The following RAB28 variants were observed in gnomAD, a reference collection of about 807,000 sequenced individuals.
The protein encoded by RAB28 is RAB28, member RAS oncogene family.
A neutral mutation model predicts 31.7 loss-of-function variants in RAB28; 24 were observed. The ratio of observed to expected loss-of-function variants is 0.76; its 90% CI spans 0.55 to 1.06. The LOEUF is 1.06. RAB28 is among the 50% of genes least tolerant of loss of function. The pLI is 0.00. For synonymous variants in RAB28, 100 were observed against 90.4 expected (o/e 1.11, Z -0.60); for missense variants, 254 against 258.5 (o/e 0.98, Z 0.12).
At chr4:13,425,684 G>A (rs1713440398) in intron 4 of RAB28, among the ~76,000 whole-genome samples, 1 of 152,110 alleles carries the variant, frequency 6.6e-6, no homozygotes, top group African/African-American at 2.4e-5. Context: ...TTAACCTCTG[G>A]CAAAGTTCTT....
intron 4 of RAB28, among the ~76,000 whole-genome samples, chr4:13,454,417 G>C (rs1488532290): frequency 6.6e-6 from 1 of 151,996 alleles, no homozygotes; most frequent in Non-Finnish European, 1.5e-5. Flanking sequence ...TGTTTGATGT[G>C]TCCGTATGTT....
chr4:13,409,932 G>C (rs1014168470), intron 4 of RAB28, among the ~76,000 whole-genome samples: 1 of 152,078 alleles, frequency 6.6e-6, no homozygotes, highest in African/African-American at 2.4e-5. Context: ...GGTGGGGCCT[G>C]GTAGGAGGTG....
chr4:13,371,795 C>T, intron 6 of RAB28: 1 of 1,546,902 alleles, frequency 6.5e-7, no homozygotes, highest in South Asian at 1.2e-5. Context: ...AAATACCAAC[C>T]TTTATTTTTA....
At chr4:13,413,327 A>G (rs867178373) in intron 4 of RAB28, among the ~76,000 whole-genome samples, 1 of 152,252 alleles carries the variant, frequency 6.6e-6, no homozygotes, top group Non-Finnish European at 1.5e-5. Flanking sequence ...TTGAAATTCA[A>G]TACTGAAAAA....
intron 4 of RAB28, among the ~76,000 whole-genome samples, chr4:13,459,427 A>T (rs1411317357): frequency 6.6e-6 from 1 of 152,206 alleles, no homozygotes; most frequent in Non-Finnish European, 1.5e-5. Context: ...ACGTTCACAC[A>T]ATGAAACTGC....
chr4:13,435,241 T>TA lies in RAB28; in HGVS notation c.391+25457dup, dbSNP rs529104449. 3.9e-3 allele frequency among the ~76,000 whole-genome samples: 598 copies of TA among 151,698 alleles called. 4 individuals carry two copies. The highest frequency in any genetic ancestry group is 0.014 in the African/African-American group (572 of 41,406). ...TACAGCAAAAGTAGTGCAAAGAGTATAGCTATGGTACTAAATGCCTACATC... is the reference window on the plus strand; with the variant it reads ...TACAGCAAAAGTAGTGCAAAGAGTATAAGCTATGGTACTAAATGCCTACATC... On this transcript the variant is annotated intron_variant, in intron 4 of 6. Transcript: ENST00000330852.
At chr4:13,371,508 A>G (rs575127056) in intron 6 of RAB28, 1 of 985,286 alleles carries the variant, frequency 1.0e-6, no homozygotes, top group South Asian at 4.7e-5. Context: ...AGTACTGACT[A>G]ATGTAAATGA....
intron 4 of RAB28, among the ~76,000 whole-genome samples, chr4:13,437,409 T>G (rs1207372063): frequency 6.6e-6 from 1 of 151,962 alleles, no homozygotes; most frequent in Non-Finnish European, 1.5e-5. Flanking sequence ...AAATAAACTA[T>G]CTACAGAGTA....
At chr4:13,408,653 C>CA (rs1003020966) in intron 4 of RAB28, among the ~76,000 whole-genome samples, 3 of 150,620 alleles carry the variant, frequency 2.0e-5, no homozygotes, top group Admixed American at 6.6e-5. Context: ...ATTGCATGTG[C>CA]AAAAAAAATG....
At chr4:13,378,382 C>T (rs1369555617) in intron 5 of RAB28, among the ~76,000 whole-genome samples, 6 of 151,962 alleles carry the variant, frequency 3.9e-5, no homozygotes, top group African/African-American at 1.2e-4. Context: ...CCATTGATGA[C>T]GTGAATAATA....
chr4:13,395,197 G>A (rs1402806361), intron 4 of RAB28, among the ~76,000 whole-genome samples: 1 of 151,882 alleles, frequency 6.6e-6, no homozygotes, highest in Non-Finnish European at 1.5e-5. Context: ...TTAAAAATAC[G>A]CACTATGATA....
intron 4 of RAB28, among the ~76,000 whole-genome samples, chr4:13,435,017 CAAAAAAAAAAAA>C (rs991889676): frequency 2.1e-5 from 1 of 47,046 alleles, no homozygotes; most frequent in African/African-American, 7.2e-5. Context: ...GACTCCGTCT[CAAAAAAAAAAAA>C]AAAAAAGAAA....
chr4:13,433,840 C>T (rs1219454336), intron 4 of RAB28, among the ~76,000 whole-genome samples: 1 of 151,644 alleles, frequency 6.6e-6, no homozygotes, highest in Non-Finnish European at 1.5e-5. Flanking sequence ...ACCATTTTAC[C>T]GAAAAATATA....
At chr4:13,385,799 A>G (rs1729344360) in intron 4 of RAB28, among the ~76,000 whole-genome samples, 1 of 152,182 alleles carries the variant, frequency 6.6e-6, no homozygotes, top group Non-Finnish European at 1.5e-5. Flanking sequence ...AGCTAACCTC[A>G]TGATGACATC....
At chr4:13,381,691 C>A (rs1468062216) in intron 4 of RAB28, 97 bp from the exon 5 acceptor site, 2 of 809,710 alleles carry the variant, frequency 2.5e-6, no homozygotes, top group South Asian at 1.9e-5. Context: ...ATATTATATT[C>A]CAGCTTCGAC....
chr4:13,466,674 A>C (rs1303454969), intron 3 of RAB28, among the ~76,000 whole-genome samples: 1 of 151,870 alleles, frequency 6.6e-6, no homozygotes, highest in Non-Finnish European at 1.5e-5. Context: ...CAGCAATCCT[A>C]CTTCTGTGTA....
chr4:13,382,551 A>C (rs960785959), intron 4 of RAB28, among the ~76,000 whole-genome samples: 1 of 152,186 alleles, frequency 6.6e-6, no homozygotes, highest in Non-Finnish European at 1.5e-5. Context: ...AAATGCACTC[A>C]TACTACATAA....
At chr4:13,462,291 T>C (rs565443390) in intron 3 of RAB28, among the ~76,000 whole-genome samples, 1 of 152,304 alleles carries the variant, frequency 6.6e-6, no homozygotes, top group Non-Finnish European at 1.5e-5. Flanking sequence ...ATCAATGTGA[T>C]ACCACTGAAC....
intron 4 of RAB28, among the ~76,000 whole-genome samples, chr4:13,393,255 A>G (rs1729725453): frequency 6.6e-6 from 1 of 152,236 alleles, no homozygotes. Flanking sequence ...ACATACTGAA[A>G]GAGGAGAAAA....
Sources: gnomAD v4.1 joint callset for allele counts (sites outside exome capture counted in the v4.1 genomes callset) on GRCh38, gnomAD v4.1.1 for gene constraint, MANE v1.5 for transcripts, NCBI Gene and HGNC (gene_info 2026-07-23, HGNC 2026-07-21) for gene names.